The following DIP2B variants were observed in gnomAD, a reference collection of about 807,000 sequenced individuals.
DIP2B encodes DIP2 acetate--CoA ligase B (putative).
In DIP2B, 76 loss-of-function variants were observed where a neutral mutation model predicts 198.0. The ratio of observed to expected loss-of-function variants is 0.38; its 90% CI spans 0.32 to 0.46. The LOEUF (loss-of-function observed/expected upper bound fraction) is 0.46, where lower values mean the gene tolerates loss of function less well. DIP2B is among the 20% of genes least tolerant of loss of function. The probability of loss-of-function intolerance (pLI) is 0.99; values close to 1 mark genes in which losing one functional copy is unlikely to be tolerated. For synonymous variants in DIP2B, 701 were observed against 739.1 expected (o/e 0.95, Z 0.84); for missense variants, 1,559 against 1,978.4 (o/e 0.79, Z 4.02).
chr12:50,552,986 C>T (rs904613619), intron 1 of DIP2B, among the ~76,000 whole-genome samples: 3 of 152,102 alleles, frequency 2.0e-5, no homozygotes, highest in African/African-American at 7.2e-5. Flanking sequence ...CAGGTGTGCG[C>T]CACCATGCCC....
intron 1 of DIP2B, among the ~76,000 whole-genome samples, chr12:50,559,097 T>G (rs1958495503): frequency 6.6e-6 from 1 of 152,116 alleles, no homozygotes. Flanking sequence ...CCATACCCAG[T>G]AGCATGTACC....
At chr12:50,616,045 A>G (rs1179893552) in intron 1 of DIP2B, among the ~76,000 whole-genome samples, 1 of 152,200 alleles carries the variant, frequency 6.6e-6, no homozygotes, top group East Asian at 1.9e-4. Context: ...CTTACAGATC[A>G]TTTTCTCAGT....
intron 17 of DIP2B, among the ~76,000 whole-genome samples, chr12:50,697,563 A>G (rs1488515867): frequency 6.7e-5 from 3 of 44,644 alleles, no homozygotes; most frequent in African/African-American, 1.8e-4. Flanking sequence ...TTTTTTTTAG[A>G]TAGGATCTCT....
intron 12 of DIP2B, among the ~76,000 whole-genome samples, chr12:50,690,183 T>G (rs1385953388): frequency 6.6e-6 from 1 of 151,630 alleles, no homozygotes; most frequent in Non-Finnish European, 1.5e-5. Flanking sequence ...GCCTCCCAGG[T>G]TCACGCCATT....
intron 1 of DIP2B, among the ~76,000 whole-genome samples, chr12:50,570,180 T>A (rs532158178): frequency 6.6e-6 from 1 of 152,232 alleles, no homozygotes; most frequent in Non-Finnish European, 1.5e-5. Flanking sequence ...CCTTTAGATA[T>A]CCGATTTAAA....
At position 50,583,300 on chromosome 12, in the gene DIP2B, C is replaced by T. The variant is rs1015403057; in HGVS notation, c.101-42676C>T. ...TCATCTTCCCTCCACCACATCTACA[C>T]GTTTTTTTTTTGGCAGCCAGACTCC... On this transcript the variant is annotated intron_variant, in intron 1 of 37. Transcript: ENST00000301180. 2.7e-5 allele frequency among the ~76,000 whole-genome samples: 4 copies of T among 149,576 alleles called. No homozygotes were observed. The East Asian group carries it at 6.9e-4, about 26-fold the overall frequency.
intron 5 of DIP2B, 84 bp downstream of exon 5, chr12:50,671,482 G>C: frequency 7.1e-7 from 1 of 1,401,536 alleles, no homozygotes; most frequent in South Asian, 1.3e-5. Context: ...GTTTGTGTTA[G>C]GTTTTTCAGT....
Position 50,741,515 on chromosome 12 carries a change from G to A in DIP2B, c.4454G>A (p.Arg1485Gln). ...HPIDIETSVS[R>Q]IHRSIAECAV... ...ATTGATATTGAGACCTCGGTGTCCC[G>A]GATCCACAGAAGCATTGCTGAATGG... Residue 1485 changes from arginine (R) to glutamine (Q), a missense_variant, in exon 37 of 38, where the codon CGG (arginine) becomes CAG (glutamine). Transcript: ENST00000301180. 5 of 1,613,688 alleles carry A rather than the reference G, an allele frequency of 3.1e-6. No individual in the cohort carries two copies. Among genetic ancestry groups the A allele is most frequent in the East Asian group, 2.2e-5 (1 of 44,884 alleles).
intron 30 of DIP2B, 125 bp downstream of exon 30, chr12:50,728,803 T>C: frequency 2.3e-6 from 3 of 1,289,456 alleles, no homozygotes; most frequent in Non-Finnish European, 3.1e-6. Context: ...GTTTCCAGAA[T>C]TTATGGATCT....
At chr12:50,532,545 T>C (rs1022118167) in intron 1 of DIP2B, among the ~76,000 whole-genome samples, 8 of 152,098 alleles carry the variant, frequency 5.3e-5, no homozygotes, top group African/African-American at 1.9e-4. Flanking sequence ...AATAAGAGTG[T>C]AATATATGTA....
At position 50,714,382 on chromosome 12, in the gene DIP2B, T is replaced by A; in HGVS notation, c.2650-13T>A. 1 of 1,614,146 alleles carries A rather than the reference T, an allele frequency of 6.2e-7. No individual in the cohort carries two copies. The highest frequency in any genetic ancestry group is 8.5e-7 in the Non-Finnish European group (1 of 1,179,976). On this transcript the variant is annotated splice_polypyrimidine_tract_variant and intron_variant, in intron 22 of 37. Transcript: ENST00000301180. ...AGTGATCTCACTGAGTATTTTTGTT[T>A]GTATTTTTCTAGGCGATCGATAGCA...
intron 2 of DIP2B, among the ~76,000 whole-genome samples, chr12:50,630,446 T>C (rs1565851007): frequency 1.3e-5 from 2 of 152,138 alleles, no homozygotes; most frequent in Non-Finnish European, 2.9e-5. Context: ...TTATATGTTT[T>C]AAAGCTATGT....
Position 50,626,040 on chromosome 12 carries a change from G to A in DIP2B, c.165G>A (p.Gln55=), listed in dbSNP as rs1414015632. Residue 55 remains glutamine (Q), a synonymous_variant, in exon 2 of 38, where the codon CAG becomes CAA. Transcript: ENST00000301180. ...AACTCCTATCTCCTTACAGCCCGCA[G>A]ACACAAGGTAGGCAATAAAAAATGG... ...RSKLLSPYSP[Q]TQETDSAVQK... 3 of 1,613,988 alleles carry A rather than the reference G, an allele frequency of 1.9e-6. No homozygotes were observed. Among genetic ancestry groups the A allele is most frequent in the Middle Eastern group, 1.6e-4 (1 of 6,062 alleles).
chr12:50,588,180 C>T (rs1204549955), intron 1 of DIP2B, among the ~76,000 whole-genome samples: 3 of 151,006 alleles, frequency 2.0e-5, no homozygotes, highest in African/African-American at 7.3e-5. Context: ...TGGAGACAGT[C>T]TCACTCTGTT....
intron 1 of DIP2B, among the ~76,000 whole-genome samples, chr12:50,615,438 T>C (rs1937681964): frequency 6.6e-6 from 1 of 152,186 alleles, no homozygotes. Context: ...GTTTTCCTTC[T>C]TTTAGGCCCT....
intron 4 of DIP2B, among the ~76,000 whole-genome samples, chr12:50,661,400 G>C (rs919177146): frequency 2.0e-5 from 3 of 152,140 alleles, no homozygotes; most frequent in African/African-American, 7.2e-5. Context: ...CCCTGATCCA[G>C]ATTAATATTA....
intron 1 of DIP2B, among the ~76,000 whole-genome samples, chr12:50,565,643 A>G (rs11169493): frequency 0.27 from 41,474 of 151,906 alleles, 5,988 homozygotes; most frequent in East Asian, 0.39. Flanking sequence ...TGTTACGTCA[A>G]TGCCAGCTGT....
Position 50,634,517 on chromosome 12 carries a change from C to T in DIP2B, c.173-6207C>T, listed in dbSNP as rs565497981. On this transcript the variant is annotated intron_variant, in intron 2 of 37. Transcript: ENST00000301180. Reference sequence around the variant, plus strand: ...CTGTGTTCCAAATACTGTTTCGACACCAAGGAGACAGCATGGGACAAGACA... The same window carrying T: ...CTGTGTTCCAAATACTGTTTCGACATCAAGGAGACAGCATGGGACAAGACA... 2.6e-5 allele frequency among the ~76,000 whole-genome samples: 4 copies of T among 152,286 alleles called. No homozygotes were observed. The South Asian group carries it at 8.3e-4, about 32-fold the overall frequency.
chr12:50,743,622 A>G (rs1382004323), intron 37 of DIP2B: 2 of 152,308 alleles, frequency 1.3e-5, no homozygotes, highest in East Asian at 3.9e-4. Flanking sequence ...TCAATTACAA[A>G]TCAATCAAAC....
Sources: gnomAD v4.1 joint callset for allele counts (sites outside exome capture counted in the v4.1 genomes callset) on GRCh38, gnomAD v4.1.1 for gene constraint, MANE v1.5 for transcripts, NCBI Gene and HGNC (gene_info 2026-07-23, HGNC 2026-07-21) for gene names.